AGBL4: variants seen among roughly 807,000 people sequenced by gnomAD.
The protein encoded by AGBL4 is cytosolic carboxypeptidase 6.
AGBL4 carries 58 observed loss-of-function variants against 66.4 expected under a neutral mutation model. The ratio of observed to expected loss-of-function variants is 0.87; its 90% CI spans 0.71 to 1.09. AGBL4 has a LOEUF of 1.09. AGBL4 is among the 50% of genes least tolerant of loss of function. The pLI is 0.00. For missense variants in AGBL4, 579 were observed against 631.0 expected (o/e 0.92, Z 0.88); for synonymous variants, 234 against 222.9 (o/e 1.05, Z -0.44).
At chr1:49,568,523 A>ACACACAC (rs56393842) in intron 3 of AGBL4, among the ~76,000 whole-genome samples, 16 of 151,428 alleles carry the variant, frequency 1.1e-4, no homozygotes, top group South Asian at 2.1e-4. Context: ...ACACACACAC[A>ACACACAC]AATGCCATGC....
chr1:49,583,371 A>G (rs778553831), intron 3 of AGBL4, among the ~76,000 whole-genome samples: 6 of 152,212 alleles, frequency 3.9e-5, no homozygotes, highest in Non-Finnish European at 5.9e-5. Context: ...TTTCATCTGT[A>G]TCGTCTATCA....
intron 6 of AGBL4, among the ~76,000 whole-genome samples, chr1:48,740,749 G>A (rs532142755): frequency 6.6e-6 from 1 of 152,284 alleles, no homozygotes; most frequent in South Asian, 2.1e-4. Context: ...TGATCGTGCA[G>A]ACAGAAGGAA....
chr1:48,996,817 CCCTT>C (rs58530293), intron 5 of AGBL4, among the ~76,000 whole-genome samples: 1,972 of 147,848 alleles, frequency 0.013, 20 homozygotes, highest in Middle Eastern at 0.031. Flanking sequence ...CTTCCTTCCT[CCCTT>C]CCTTCCTTCC....
intron 4 of AGBL4, among the ~76,000 whole-genome samples, chr1:49,195,100 C>T (rs917097831): frequency 6.6e-6 from 1 of 152,104 alleles, no homozygotes; most frequent in Non-Finnish European, 1.5e-5. Flanking sequence ...CTTCCACCTT[C>T]CAAAATGTCG....
chr1:49,260,123 C>T (rs1335146192), intron 3 of AGBL4, among the ~76,000 whole-genome samples: 1 of 149,714 alleles, frequency 6.7e-6, no homozygotes, highest in African/African-American at 2.4e-5. Flanking sequence ...AACAAAGACA[C>T]AACATACCAG....
chr1:49,376,408 G>A (rs1012991733), intron 3 of AGBL4, among the ~76,000 whole-genome samples: 1 of 152,062 alleles, frequency 6.6e-6, no homozygotes, highest in Admixed American at 6.6e-5. Context: ...TGGAGAGCAG[G>A]AAAAGAAAGA....
intron 5 of AGBL4, among the ~76,000 whole-genome samples, chr1:48,902,828 C>T (rs1479359349): frequency 6.6e-6 from 1 of 152,156 alleles, no homozygotes; most frequent in Admixed American, 6.5e-5. Flanking sequence ...GGCCATTTCA[C>T]TCTCATTCTA....
intron 3 of AGBL4, among the ~76,000 whole-genome samples, chr1:49,435,752 G>A (rs1394450304): frequency 6.6e-6 from 1 of 152,184 alleles, no homozygotes; most frequent in East Asian, 1.9e-4. Flanking sequence ...AAGTAACTGG[G>A]AAGGTTTGGT....
At chr1:49,389,877 C>T (rs992073740) in intron 3 of AGBL4, among the ~76,000 whole-genome samples, 1 of 152,172 alleles carries the variant, frequency 6.6e-6, no homozygotes, top group Non-Finnish European at 1.5e-5. Flanking sequence ...ACTAGCTTGA[C>T]TTACATAAAG....
intron 7 of AGBL4, among the ~76,000 whole-genome samples, chr1:48,654,375 A>C (rs960543442): frequency 4.0e-5 from 6 of 151,368 alleles, no homozygotes; most frequent in Admixed American, 4.0e-4. Context: ...CCCATAGAAG[A>C]GGGGGTGAGA....
intron 5 of AGBL4, among the ~76,000 whole-genome samples, chr1:48,875,819 C>T (rs1467726218): frequency 1.3e-5 from 2 of 152,148 alleles, no homozygotes; most frequent in African/African-American, 4.8e-5. Flanking sequence ...TATTGTTGCC[C>T]TTTTTTACAA....
intron 3 of AGBL4, among the ~76,000 whole-genome samples, chr1:49,294,730 T>C (rs1339352121): frequency 6.6e-6 from 1 of 152,198 alleles, no homozygotes. Flanking sequence ...TTTCCTCCTC[T>C]GCCAGCCTGG....
At chr1:49,021,008 C>A (rs567693184) in intron 5 of AGBL4, among the ~76,000 whole-genome samples, 1 of 152,284 alleles carries the variant, frequency 6.6e-6, no homozygotes, top group African/African-American at 2.4e-5. Flanking sequence ...CAAACTAGAG[C>A]TTCAGACACA....
At chr1:48,668,065 T>C (rs1389633702) in intron 6 of AGBL4, among the ~76,000 whole-genome samples, 2 of 152,146 alleles carry the variant, frequency 1.3e-5, no homozygotes, top group Non-Finnish European at 2.9e-5. Flanking sequence ...TTTCCTTGAC[T>C]TGATTGGTGA....
chr1:49,713,831 T>C (rs1162642857), intron 2 of AGBL4, among the ~76,000 whole-genome samples: 1 of 151,976 alleles, frequency 6.6e-6, no homozygotes, highest in South Asian at 2.1e-4. Flanking sequence ...GGTATTTGTA[T>C]ATTGCTCAGG....
At chr1:49,224,979 T>TA (rs1379842854) in intron 4 of AGBL4, among the ~76,000 whole-genome samples, 2 of 152,204 alleles carry the variant, frequency 1.3e-5, no homozygotes, top group Non-Finnish European at 2.9e-5. Context: ...TCTGTGTACT[T>TA]ACACTTGTAC....
chr1:49,689,345 A>G (rs946729338), intron 3 of AGBL4, among the ~76,000 whole-genome samples: 3 of 152,108 alleles, frequency 2.0e-5, no homozygotes, highest in African/African-American at 7.2e-5. Flanking sequence ...TCCCCAATGT[A>G]TATTCTTGGC....
At chr1:48,735,049 G>A (rs968231485) in intron 6 of AGBL4, among the ~76,000 whole-genome samples, 15 of 152,172 alleles carry the variant, frequency 9.9e-5, no homozygotes, top group African/African-American at 3.1e-4. Flanking sequence ...TTCCTTGTCC[G>A]TAAAATAGGA....
At chr1:49,427,634 C>T (rs1645693250) in intron 3 of AGBL4, among the ~76,000 whole-genome samples, 1 of 152,154 alleles carries the variant, frequency 6.6e-6, no homozygotes, top group Non-Finnish European at 1.5e-5. Context: ...CAGTTGACTT[C>T]AGGAGTGAAG....
Sources: allele counts gnomAD v4.1 joint callset (sites outside exome capture counted in the v4.1 genomes callset), GRCh38; gene constraint gnomAD v4.1.1; transcripts MANE v1.5; gene names NCBI Gene and HGNC (gene_info 2026-07-23, HGNC 2026-07-21).